Variants in ERN2 observed in about 807,000 individuals in gnomAD.
ERN2 encodes the protein serine/threonine-protein kinase/endoribonuclease IRE2.
Under a neutral mutation model 107.9 loss-of-function variants are expected in ERN2, and 111 were observed. The ratio of observed to expected loss-of-function variants is 1.03; its 90% CI spans 0.88 to 1.20. The LOEUF is 1.20. ERN2 is among the 50% of genes most tolerant of loss of function. ERN2 has a pLI of 0.00. For missense variants in ERN2, 1,225 were observed against 1,197.9 expected (o/e 1.02, Z -0.33); for synonymous variants, 524 against 501.7 (o/e 1.04, Z -0.59).
At position 23,710,274 on chromosome 16, in the gene ERN2, A is replaced by G. The variant is rs533292237; in HGVS notation, c.234-30T>C. 21 of 1,581,024 alleles carry G rather than the reference A, an allele frequency of 1.3e-5. No individual in the cohort carries two copies. In the African/African-American group the frequency reaches 2.3e-4, roughly 17 times the overall value. On this transcript the variant is annotated intron_variant, in intron 3 of 21. Transcript: ENST00000256797. ...GGAGCAGAGAGAAACAAGGAGACCAATGGGTTCTTGCCCCCTGGTTTCATG... is the reference window on the plus strand; with the variant it reads ...GGAGCAGAGAGAAACAAGGAGACCAGTGGGTTCTTGCCCCCTGGTTTCATG...
chr16:23,694,705 G>T, intron 17 of ERN2, 23 bp downstream of exon 17: 1 of 1,575,664 alleles, frequency 6.3e-7, no homozygotes, highest in South Asian at 1.2e-5. Context: ...TGTGTGCCTG[G>T]AGGACTTGGT....
chr16:23,691,236 G>GACTCCCCTCCACCGCCCAGGCCC lies in ERN2; in HGVS notation c.2500+43_2501-41dup, dbSNP rs747199691. ...TTCAGTGGCAAAACCGTCCCTGCTA[G>GACTCCCCTCCACCGCCCAGGCCC]ACTCCCCTCCACCGCCCAGGCCCAC... On this transcript the variant is annotated intron_variant, in intron 20 of 21. Transcript: ENST00000256797. 3.3e-4 allele frequency: 536 copies of GACTCCCCTCCACCGCCCAGGCCC among 1,613,194 alleles called. 1 individual carries two copies. The highest frequency in any genetic ancestry group is 4.7e-4 in the Admixed American group (28 of 59,986).
chr16:23,692,681 T>A (rs1380944670), intron 17 of ERN2, among the ~76,000 whole-genome samples: 1 of 151,974 alleles, frequency 6.6e-6, no homozygotes, highest in Non-Finnish European at 1.5e-5. Context: ...AGCTGGTCCT[T>A]AGCTTCAACC....
chr16:23,711,123 A>G (rs1597160826), intron 1 of ERN2, 105 bp from the exon 2 acceptor site: 6 of 716,486 alleles, frequency 8.4e-6, no homozygotes, highest in East Asian at 2.5e-5. Flanking sequence ...CCAGATGGGG[A>G]TGCAGCAGGG....
Position 23,704,885 on chromosome 16 carries a change from C to T in ERN2, c.852G>A (p.Leu284=). 6.2e-7 allele frequency: 1 copy of T among 1,608,056 alleles called. No individual in the cohort carries two copies. Among genetic ancestry groups the T allele is most frequent in the Non-Finnish European group, 8.5e-7 (1 of 1,179,766 alleles). Residue 284 remains leucine (L), a splice_region_variant and synonymous_variant, in exon 8 of 22, where the codon CTG becomes CTA. Transcript: ENST00000256797. Reference sequence around the variant, plus strand: ...GGGCCCCAGGCACGAACACCTACAGCAGCTGGGTGTCCAAGGTAGAGAAGA... The same window carrying T: ...GGGCCCCAGGCACGAACACCTACAGTAGCTGGGTGTCCAAGGTAGAGAAGA... The part of the protein sequence containing the change: ...ATLFSTLDTQ[L]LMTLYVGKDE...
chr16:23,709,045 G>A (rs1023636147), intron 4 of ERN2: 1 of 387,110 alleles, frequency 2.6e-6, no homozygotes, highest in Non-Finnish European at 5.2e-6. Context: ...CTGAGACCTT[G>A]CCTGATTGAC....
intron 17 of ERN2, 116 bp from the exon 18 acceptor site, chr16:23,692,447 A>G (rs1191729690): frequency 2.7e-5 from 28 of 1,054,356 alleles, no homozygotes; most frequent in Non-Finnish European, 3.9e-5. Flanking sequence ...CTGGAACTCA[A>G]GATGCTTCCT....
intron 19 of ERN2, 129 bp from the exon 20 acceptor site, chr16:23,691,554 C>G: frequency 9.1e-7 from 1 of 1,103,732 alleles, no homozygotes. Context: ...TGAAGCTTCT[C>G]TGTGCCACGC....
At position 23,690,717 on chromosome 16, in the gene ERN2, A is replaced by G. The variant is rs895520529; in HGVS notation, c.*114T>C. On this transcript the variant is annotated 3_prime_UTR_variant, in exon 22 of 22. Coordinates refer to ENST00000256797, the MANE Select transcript of ERN2 (RefSeq NM_033266.4). ...GTGATCCTCTCACTCAGCCTCCCAA[A>G]ATGCTGGGATTACAGGTGTGAGCCA... 99 of 822,342 alleles carry G rather than the reference A, an allele frequency of 1.2e-4. No individual in the cohort carries two copies. Among genetic ancestry groups the G allele is most frequent in the Non-Finnish European group, 1.7e-4 (90 of 518,178 alleles). 50.9% of individuals were successfully genotyped at this position (822,342 alleles called of 1,614,324 possible). A position where few individuals can be genotyped will look rare whatever the true frequency, so the allele number is the denominator to read the frequency against.
intron 5 of ERN2, 40 bp from the exon 6 acceptor site, chr16:23,706,901 G>T: frequency 6.3e-7 from 1 of 1,576,576 alleles, no homozygotes; most frequent in Non-Finnish European, 8.7e-7. Flanking sequence ...AAGTTGGCAT[G>T]GGAAGAGGTG....
intron 1 of ERN2, 25 bp from the exon 2 acceptor site, chr16:23,711,043 A>G: frequency 6.5e-7 from 1 of 1,543,324 alleles, no homozygotes; most frequent in Non-Finnish European, 9.0e-7. Context: ...AGACAAAGTC[A>G]GCTCTCTGAG....
In ERN2 at chr16:23,691,974, G is replaced by A. The variant is rs370806210; in HGVS notation, c.2365C>T (p.Gln789Ter). The A allele has an allele frequency of 1.7e-5, 27 of 1,612,736 alleles. No individual in the cohort carries two copies. The highest frequency in any genetic ancestry group is 2.1e-5 in the Non-Finnish European group (25 of 1,179,640). The change falls in exon 19 of 22, where the codon CAG (glutamine) becomes TAG (stop). Residue 789 changes from glutamine (Q) to a stop codon, truncating the protein, a stop_gained. Coordinates refer to ENST00000256797, the MANE Select transcript of ERN2 (RefSeq NM_033266.4). LOFTEE classifies it high-confidence loss of function. ...PFFWSRAKQL[Q>*]FFQDVSDWLE... ...GCTTTCCTTCTGACCTGGAAGAACT[G>A]GAGTTGCTTGGCTCTGCTCCAAAAG...
At chr16:23,691,083 G>GCCAGGCATTCCCAAGAC in intron 21 of ERN2, 40 bp from the exon 22 acceptor site, 1 of 1,613,884 alleles carries the variant, frequency 6.2e-7, no homozygotes, top group South Asian at 1.1e-5. Flanking sequence ...CTCAGCTGCG[G>GCCAGGCATTCCCAAGAC]CCAGGCCTTC....
In ERN2 at chr16:23,710,966, C is replaced by T. The variant is rs896858209; in HGVS notation, c.146G>A (p.Ser49Asn). 6.2e-6 allele frequency: 10 copies of T among 1,614,180 alleles called. No individual in the cohort carries two copies. Among genetic ancestry groups the T allele is most frequent in the Non-Finnish European group, 8.5e-6 (10 of 1,180,002 alleles). The change falls in exon 2 of 22, where the codon AGT becomes AAT. Residue 49 changes from serine to asparagine, a missense_variant. Physicochemically the swap from Ser to Asn is conservative, Grantham distance 46. Transcript: ENST00000256797. Reference protein sequence around the residue: ...NLLLVSTLDGSLHALSKQTGD... With the variant: ...NLLLVSTLDGNLHALSKQTGD... ...TGTCTGCTTGCTTAGTGCGTGGAGA[C>T]TTCCATCCAAGGTGGACACCAGCAG...
chr16:23,701,789 C>T (rs1295170982), intron 11 of ERN2, among the ~76,000 whole-genome samples: 1 of 151,886 alleles, frequency 6.6e-6, no homozygotes, highest in Non-Finnish European at 1.5e-5. Flanking sequence ...ACAACCATTC[C>T]CCACTAATTT....
chr16:23,691,251 C>T, intron 20 of ERN2, 51 bp downstream of exon 20: 1 of 1,612,342 alleles, frequency 6.2e-7, no homozygotes, highest in Non-Finnish European at 8.5e-7. Flanking sequence ...CCCTCCACCG[C>T]CCAGGCCCAC....
At position 23,696,761 on chromosome 16, in the gene ERN2, G is replaced by A. The variant is rs75170520; in HGVS notation, c.1526-783C>T. 9.1e-3 allele frequency: 1,385 copies of A among 152,206 alleles called. 11 individuals are homozygous for A. Among genetic ancestry groups the A allele is most frequent in the Middle Eastern group, 0.058 (17 of 294 alleles). The allele number at this position is 152,206 out of a possible 1,614,324, so 9.4% of individuals were successfully genotyped here. On this transcript the variant is annotated intron_variant, in intron 13 of 21. Transcript: ENST00000256797. ...AGGCTGTGTCCTGCTCAGCTCCAAC[G>A]GGCACTATTCATATGGCAAAACATA...
Position 23,691,413 on chromosome 16 carries a change from A to G in ERN2, c.2389T>C (p.Trp797Arg). Residue 797 changes from tryptophan to arginine, a missense_variant, in exon 20 of 22, where the codon TGG (tryptophan) becomes CGG (arginine). Physicochemically the swap from Trp to Arg is moderately radical, Grantham distance 101. Coordinates refer to ENST00000256797, the MANE Select transcript of ERN2 (RefSeq NM_033266.4). ...TCCTGCTCGGACTCCTTCTCCAGCC[A>G]GTCACTGACGTCCTGGGGCCCAGAG... ...QLQFFQDVSD[W>R]LEKESEQEPL... 6.3e-7 allele frequency: 1 copy of G among 1,599,394 alleles called. No homozygotes were observed. The highest frequency in any genetic ancestry group is 8.5e-7 in the Non-Finnish European group (1 of 1,179,682).
At chr16:23,709,041 C>A in intron 4 of ERN2, 4 of 385,670 alleles carry the variant, frequency 1.0e-5, no homozygotes, top group South Asian at 7.7e-5. Context: ...GCAGCTGAGA[C>A]CTTGCCTGAT....
Sources: allele counts gnomAD v4.1 joint callset (sites outside exome capture counted in the v4.1 genomes callset), GRCh38; gene constraint gnomAD v4.1.1; transcripts MANE v1.5; gene names NCBI Gene and HGNC (gene_info 2026-07-23, HGNC 2026-07-21).